MAP2: variants seen among roughly 807,000 people sequenced by gnomAD.
The protein encoded by MAP2 is microtubule-associated protein 2.
In MAP2, 14 loss-of-function variants were observed where a neutral mutation model predicts 137.6. That is an observed-to-expected ratio of 0.10 (90% confidence interval 0.07 to 0.16). The LOEUF is 0.16. Ranked by LOEUF, MAP2 falls within the 10% of genes least tolerant of loss-of-function variation. MAP2 has a pLI of 1.00. For synonymous variants in MAP2, 786 were observed against 782.3 expected (o/e 1.00, Z -0.08); for missense variants, 2,088 against 2,191.5 (o/e 0.95, Z 0.94).
chr2:209,640,367 T>G (rs915469928), intron 4 of MAP2, among the ~76,000 whole-genome samples: 3 of 152,136 alleles, frequency 2.0e-5, no homozygotes, highest in African/African-American at 4.8e-5. Flanking sequence ...AAAAAATAAT[T>G]AATTGCTTAA....
chr2:209,434,150 T>C (rs1326838668), intron 1 of MAP2, among the ~76,000 whole-genome samples: 2 of 152,104 alleles, frequency 1.3e-5, no homozygotes, highest in Non-Finnish European at 2.9e-5. Flanking sequence ...ATATTGCTTA[T>C]ACTAAAATAT....
intron 5 of MAP2, among the ~76,000 whole-genome samples, chr2:209,674,158 A>G (rs2050175994): frequency 6.6e-6 from 1 of 151,860 alleles, no homozygotes; most frequent in Non-Finnish European, 1.5e-5. Context: ...CATCAGTGAT[A>G]TTGGATTAAC....
intron 2 of MAP2, among the ~76,000 whole-genome samples, chr2:209,519,896 A>T (rs574866472): frequency 1.3e-5 from 2 of 152,140 alleles, no homozygotes; most frequent in South Asian, 4.1e-4. Flanking sequence ...TGGGTAAATT[A>T]TTGGAGGGTA....
chr2:209,669,381 G>T (rs1304511408), intron 5 of MAP2, among the ~76,000 whole-genome samples: 2 of 152,048 alleles, frequency 1.3e-5, no homozygotes, highest in African/African-American at 4.8e-5. Context: ...GGCTTCCAAA[G>T]ATTTCTAAGT....
At chr2:209,468,384 G>A (rs553514606) in intron 1 of MAP2, among the ~76,000 whole-genome samples, 42 of 141,360 alleles carry the variant, frequency 3.0e-4, no homozygotes, top group African/African-American at 1.0e-3. Flanking sequence ...GCAGTGGTGC[G>A]ATCTCGCTCA....
Position 209,692,923 on chromosome 2 carries a change from C to A in MAP2, c.753C>A (p.Asp251Glu), listed in dbSNP as rs1453030704. Residue 251 changes from aspartate to glutamate, a missense_variant, in exon 8 of 16, where the codon GAC becomes GAA. Physicochemically the swap from Asp to Glu is conservative, Grantham distance 45. Transcript: ENST00000682079. ...CAAGCCTTGTAGTACCTGGCATTGA[C>A]CTCCCTAAAGAGCCTCCAACTCCAA... The part of the protein sequence containing the change: ...TEPSLVVPGI[D>E]LPKEPPTPKE... 1.2e-6 allele frequency: 2 copies of A among 1,613,982 alleles called. No individual in the cohort carries two copies. The highest frequency in any genetic ancestry group is 2.7e-5 in the African/African-American group (2 of 74,906).
chr2:209,428,494 C>T (rs1693212910), intron 1 of MAP2, among the ~76,000 whole-genome samples: 1 of 151,460 alleles, frequency 6.6e-6, no homozygotes, highest in Non-Finnish European at 1.5e-5. Context: ...CTCCTCTTTC[C>T]CTTTTCTTTT....
intron 5 of MAP2, 131 bp from the exon 6 acceptor site, chr2:209,678,437 CAATT>C (rs2052972254): frequency 2.6e-6 from 1 of 387,644 alleles, no homozygotes; most frequent in Non-Finnish European, 4.7e-6. Flanking sequence ...GTTTTCTCTG[CAATT>C]AAAAAATTAT....
At chr2:209,475,713 A>T (rs184275691) in intron 1 of MAP2, among the ~76,000 whole-genome samples, 48 of 152,254 alleles carry the variant, frequency 3.2e-4, no homozygotes, top group Admixed American at 5.9e-4. Context: ...AATAAGCATC[A>T]ATCTTTGTAT....
intron 15 of MAP2, 50 bp downstream of exon 15, chr2:209,730,012 C>T: frequency 2.9e-6 from 4 of 1,357,474 alleles, no homozygotes; most frequent in Non-Finnish European, 4.2e-6. Context: ...AAAAATTCTT[C>T]TGAAATACTC....
At chr2:209,474,473 C>T (rs1466195611) in intron 1 of MAP2, among the ~76,000 whole-genome samples, 2 of 152,032 alleles carry the variant, frequency 1.3e-5, no homozygotes, top group African/African-American at 4.8e-5. Context: ...TCTATAAAAG[C>T]AGATTCTCAA....
At chr2:209,544,276 T>A (rs373305694) in intron 2 of MAP2, among the ~76,000 whole-genome samples, 1 of 152,002 alleles carries the variant, frequency 6.6e-6, no homozygotes, top group African/African-American at 2.4e-5. Context: ...TTTTAGTTTT[T>A]GTTTTGTTTT....
intron 1 of MAP2, among the ~76,000 whole-genome samples, chr2:209,471,417 C>T (rs1192173747): frequency 6.6e-6 from 1 of 152,176 alleles, no homozygotes; most frequent in Non-Finnish European, 1.5e-5. Context: ...CAGTACCTAG[C>T]ATGGTGCCTT....
chr2:209,599,498 C>T (rs2082356670), intron 3 of MAP2, among the ~76,000 whole-genome samples: 1 of 152,036 alleles, frequency 6.6e-6, no homozygotes, highest in South Asian at 2.1e-4. Flanking sequence ...ATTCATTTTT[C>T]TTGTGATCAT....
At chr2:209,723,774 C>A in intron 13 of MAP2, 1 of 844,566 alleles carries the variant, frequency 1.2e-6, no homozygotes, top group South Asian at 1.4e-5. Flanking sequence ...CCACCTCTTT[C>A]CAACACACTG....
At chr2:209,567,698 A>C (rs778763245) in intron 2 of MAP2, among the ~76,000 whole-genome samples, 1 of 152,126 alleles carries the variant, frequency 6.6e-6, no homozygotes, top group Admixed American at 6.6e-5. Flanking sequence ...CCACAAAACT[A>C]TGGAAAATGA....
At chr2:209,586,811 A>G (rs1473860373) in intron 3 of MAP2, among the ~76,000 whole-genome samples, 1 of 152,202 alleles carries the variant, frequency 6.6e-6, no homozygotes, top group African/African-American at 2.4e-5. Flanking sequence ...GTAAAAGGCT[A>G]GAAGGCAAAT....
At chr2:209,560,152 A>G (rs1200403925) in intron 2 of MAP2, among the ~76,000 whole-genome samples, 6 of 152,176 alleles carry the variant, frequency 3.9e-5, no homozygotes, top group African/African-American at 1.4e-4. Flanking sequence ...ACTAAACAGA[A>G]CAGATGAAAG....
intron 13 of MAP2, among the ~76,000 whole-genome samples, chr2:209,714,031 A>C (rs1362166019): frequency 6.7e-6 from 1 of 149,238 alleles, no homozygotes; most frequent in Non-Finnish European, 1.5e-5. Flanking sequence ...GTCCCTACTA[A>C]AAGTACAAAA....
Sources: gnomAD v4.1 joint callset for allele counts (sites outside exome capture counted in the v4.1 genomes callset) on GRCh38, gnomAD v4.1.1 for gene constraint, MANE v1.5 for transcripts, NCBI Gene and HGNC (gene_info 2026-07-23, HGNC 2026-07-21) for gene names.